Variants in SEMA3G observed in about 807,000 individuals in gnomAD.
SEMA3G encodes the protein semaphorin 3G, also known as semaphorin-3G.
In SEMA3G, 70 loss-of-function variants were observed where a neutral mutation model predicts 86.2. The observed-to-expected ratio is 0.81, with a 90% confidence interval of 0.67 to 0.99. The LOEUF (loss-of-function observed/expected upper bound fraction) is 0.99, where lower values mean the gene tolerates loss of function less well. SEMA3G is among the 50% of genes least tolerant of loss of function. The pLI is 0.00. For synonymous variants in SEMA3G, 416 were observed against 441.4 expected (o/e 0.94, Z 0.72); for missense variants, 1,002 against 1,072.4 (o/e 0.93, Z 0.92).
Position 52,439,753 on chromosome 3 carries a change from T to C in SEMA3G, c.1394A>G (p.Lys465Arg), listed in dbSNP as rs754152837. 4 of 1,613,944 alleles carry C rather than the reference T, an allele frequency of 2.5e-6. No individual in the cohort carries two copies. Among genetic ancestry groups the C allele is most frequent in the Non-Finnish European group, 2.5e-6 (3 of 1,179,980 alleles). The change falls in exon 12 of 16, where the codon AAA becomes AGA. Residue 465 changes from lysine (K) to arginine (R), a missense_variant. Transcript: ENST00000231721. ...GCCCCCTGCCTGGAGAGCGATGACT[T>C]TGAGCACAGACCCTGAGTCTGGGGC... ...FLGTDSGSVLKVIALQAGGSA... is the reference protein window; with the variant it reads ...FLGTDSGSVLRVIALQAGGSA...
At chr3:52,439,617 T>G in intron 12 of SEMA3G, 63 bp downstream of exon 12, 1 of 1,399,116 alleles carries the variant, frequency 7.1e-7, no homozygotes, top group Non-Finnish European at 1.0e-6. Context: ...CCTGCATCCC[T>G]GTAGCCAGGC....
At chr3:52,443,110 G>A in intron 1 of SEMA3G, 17 of 1,450,548 alleles carry the variant, frequency 1.2e-5, no homozygotes, top group Non-Finnish European at 1.6e-5. Flanking sequence ...CCTCCCACCT[G>A]GCCCAGCCTA....
chr3:52,440,868 C>A lies in SEMA3G; in HGVS notation c.929-45G>T, dbSNP rs769367844. On this transcript the variant is annotated intron_variant, in intron 8 of 15. Coordinates refer to ENST00000231721, the MANE Select transcript of SEMA3G (RefSeq NM_020163.3). ...ATGAGTGTCATGGCCACCGCCAATG[C>A]CCTGACTCACCAGCTCTCAGCCCTC... The A allele has an allele frequency of 6.9e-6, 11 of 1,600,784 alleles. No homozygotes were observed. The South Asian group carries it at 8.8e-5, about 13-fold the overall frequency.
chr3:52,444,373 C>T (rs729555), intron 1 of SEMA3G, among the ~76,000 whole-genome samples: 14,679 of 152,084 alleles, frequency 0.097, 786 homozygotes, highest in Non-Finnish European at 0.12. Context: ...TCCCACTCCC[C>T]GAGAGCTGTG....
In SEMA3G at chr3:52,437,584, A is replaced by T. The variant is rs2153229584; in HGVS notation, c.1821T>A (p.Ser607=). Residue 607 remains serine (S), a synonymous_variant, in exon 15 of 16, where the codon TCT becomes TCA. Coordinates refer to ENST00000231721, the MANE Select transcript of SEMA3G (RefSeq NM_020163.3). ...AGAGCCAGCGCACAGCAGCCTGGGGAGACTTGGGCAGGCACTCCAGGAAGG... is the reference window on the plus strand; with the variant it reads ...AGAGCCAGCGCACAGCAGCCTGGGGTGACTTGGGCAGGCACTCCAGGAAGG... ...NSTFLECLPK[S]PQAAVRWLLQ... is the part of the protein sequence containing the mutation. 1 of 1,613,170 alleles carries T rather than the reference A, an allele frequency of 6.2e-7. No homozygotes were observed. The highest frequency in any genetic ancestry group is 2.2e-5 in the East Asian group (1 of 44,870).
At chr3:52,436,246 A>G (rs963524841) in intron 15 of SEMA3G, among the ~76,000 whole-genome samples, 173 bp from the exon 16 acceptor site, 1 of 152,164 alleles carries the variant, frequency 6.6e-6, no homozygotes, top group Non-Finnish European at 1.5e-5. Flanking sequence ...CCTCTAGACC[A>G]CCAGCTAATT....
chr3:52,438,030 C>G lies in SEMA3G; in HGVS notation c.1679G>C (p.Arg560Pro). Residue 560 changes from arginine to proline, a missense_variant, in exon 14 of 16, where the codon CGC becomes CCC. Coordinates refer to ENST00000231721, the MANE Select transcript of SEMA3G (RefSeq NM_020163.3). ...YRPSLGKRRF[R>P]RQDIRHGNPA... ...GTTGCCGTGCCGGATGTCCTGCCGGCGGAACCGGCGCTTGCCAAGGCTGGG... is the reference window on the plus strand; with the variant it reads ...GTTGCCGTGCCGGATGTCCTGCCGGGGGAACCGGCGCTTGCCAAGGCTGGG... The G allele has an allele frequency of 6.2e-7, 1 of 1,613,082 alleles. No homozygotes were observed.
At chr3:52,440,894 C>T (rs1227687508) in intron 8 of SEMA3G, 40 bp downstream of exon 8, 2 of 1,599,502 alleles carry the variant, frequency 1.3e-6, no homozygotes, top group Non-Finnish European at 8.5e-7. Flanking sequence ...CTCAGCCCTC[C>T]CCACTCCCGA....
At chr3:52,441,094 G>C (rs753223147) in intron 7 of SEMA3G, 46 bp from the exon 8 acceptor site, 57 of 1,512,086 alleles carry the variant, frequency 3.8e-5, no homozygotes, top group Non-Finnish European at 4.7e-5. Flanking sequence ...CACGAGGATG[G>C]GTCCCACCAT....
intron 12 of SEMA3G, among the ~76,000 whole-genome samples, chr3:52,439,185 C>A (rs547069390): frequency 6.6e-6 from 1 of 152,254 alleles, no homozygotes; most frequent in Admixed American, 6.5e-5. Context: ...ACTGAAAGCA[C>A]AGAGCTAGAG....
Position 52,441,426 on chromosome 3 carries a change from G to T in SEMA3G, c.668-17C>A, listed in dbSNP as rs748340248. ...ACCGGGGGTCTGGAAGGGTGACAGG[G>T]TCATGCTGGGTGGAGGGGCCCCACA... On this transcript the variant is annotated splice_polypyrimidine_tract_variant and intron_variant, in intron 6 of 15. Coordinates refer to ENST00000231721, the MANE Select transcript of SEMA3G (RefSeq NM_020163.3). 6.2e-7 allele frequency: 1 copy of T among 1,611,790 alleles called. No homozygotes were observed. The highest frequency in any genetic ancestry group is 1.7e-5 in the Admixed American group (1 of 59,958).
chr3:52,435,652 C>T lies in SEMA3G; in HGVS notation c.2300G>A (p.Arg767Gln), dbSNP rs527315545. 2.2e-5 allele frequency: 36 copies of T among 1,614,008 alleles called. No individual in the cohort carries two copies. The highest frequency in any genetic ancestry group is 1.7e-4 in the Middle Eastern group (1 of 6,060). ...CGTCCGATTGTGCTCGGCATGCACC[C>T]GGCTCTTCATCTTCTTGCCTAGCTC... Reference protein sequence around the residue: ...GLELGKKMKSRVHAEHNRTPR... With the variant: ...GLELGKKMKSQVHAEHNRTPR... The change falls in exon 16 of 16, where the codon CGG becomes CAG. Residue 767 changes from arginine to glutamine, a missense_variant. By Grantham distance (43) the Arg-to-Gln change is conservative. Coordinates refer to ENST00000231721, the MANE Select transcript of SEMA3G (RefSeq NM_020163.3).
chr3:52,439,574 G>T, intron 12 of SEMA3G, 106 bp downstream of exon 12: 1 of 888,350 alleles, frequency 1.1e-6, no homozygotes, highest in South Asian at 1.5e-5. Flanking sequence ...TGCAAATTCA[G>T]TAAAGACAGG....
At chr3:52,438,983 A>C in intron 12 of SEMA3G, 22 bp from the exon 13 acceptor site, 1 of 1,612,162 alleles carries the variant, frequency 6.2e-7, no homozygotes, top group Non-Finnish European at 8.5e-7. Context: ...GAAGGGTCTC[A>C]GTGTGGGTCG....
intron 12 of SEMA3G, 89 bp downstream of exon 12, chr3:52,439,590 TC>T: frequency 9.6e-7 from 1 of 1,044,562 alleles, no homozygotes; most frequent in South Asian, 1.3e-5. Context: ...ACAGGCTGGC[TC>T]CCTACTGGGC....
Position 52,442,368 on chromosome 3 carries a change from C to G in SEMA3G, c.340-64G>C, listed in dbSNP as rs1706175558. 2.0e-5 allele frequency: 31 copies of G among 1,552,932 alleles called. No individual in the cohort carries two copies. In the East Asian group the frequency reaches 7.1e-4, roughly 35 times the overall value. The stretch of plus-strand genomic sequence containing the variant: ...GGGTGCCCACCATCTCCTTGGGGCC[C>G]AAGGCTCAGCCCTGTCTGGCGGTCA... On this transcript the variant is annotated intron_variant, in intron 3 of 15. Transcript: ENST00000231721. This position sits in a 1 kb window ranked among gnomAD's most constrained non-coding sequence, Gnocchi z 6.1.
chr3:52,441,162 G>A, intron 7 of SEMA3G, 102 bp downstream of exon 7: 1 of 1,510,252 alleles, frequency 6.6e-7, no homozygotes, highest in Non-Finnish European at 9.0e-7. Flanking sequence ...TTGCATCCTT[G>A]CCTCAGTTTC....
At chr3:52,443,850 T>A (rs11716487) in intron 1 of SEMA3G, among the ~76,000 whole-genome samples, 4 of 152,072 alleles carry the variant, frequency 2.6e-5, no homozygotes, top group Non-Finnish European at 4.4e-5. Context: ...CCCAGCAGAC[T>A]GGGCTTCCCA....
chr3:52,442,570 T>C lies in SEMA3G; in HGVS notation c.328A>G (p.Arg110Gly), dbSNP rs1352468959. The change falls in exon 3 of 16, where the codon AGA (arginine) becomes GGA (glycine). Residue 110 changes from arginine (R) to glycine (G), a missense_variant. Transcript: ENST00000231721. This position sits in a 1 kb window ranked among gnomAD's most constrained non-coding sequence, Gnocchi z 6.1. Reference protein sequence around the residue: ...GQREECVRKGRDPLTECANFV... With the variant: ...GQREECVRKGGDPLTECANFV... Reference sequence around the variant, plus strand: ...CCGACAGCACTCACCAAAGGATCTCTTCCCTTTCGAACACACTCCTCCCTC... The same window carrying C: ...CCGACAGCACTCACCAAAGGATCTCCTCCCTTTCGAACACACTCCTCCCTC... 6.2e-7 allele frequency: 1 copy of C among 1,613,108 alleles called. No homozygotes were observed. The highest frequency in any genetic ancestry group is 8.5e-7 in the Non-Finnish European group (1 of 1,179,196).
Sources: allele counts gnomAD v4.1 joint callset (sites outside exome capture counted in the v4.1 genomes callset), GRCh38; gene constraint gnomAD v4.1.1; non-coding constraint Gnocchi (gnomAD v3.1); transcripts MANE v1.5; gene names NCBI Gene and HGNC (gene_info 2026-07-23, HGNC 2026-07-21).